MYRF: variants seen among roughly 807,000 people sequenced by gnomAD.
MYRF encodes myelin regulatory factor.
Under a neutral mutation model 126.3 loss-of-function variants are expected in MYRF, and 16 were observed. That is an observed-to-expected ratio of 0.13 (90% confidence interval 0.09 to 0.19). The LOEUF is 0.19. Among genes scored for constraint, MYRF ranks in the 10% least tolerant of loss-of-function variants. The pLI is 1.00. For missense variants in MYRF, 1,104 were observed against 1,547.0 expected (o/e 0.71, Z 4.80); for synonymous variants, 608 against 635.3 (o/e 0.96, Z 0.65).
chr11:61,777,528 T>C lies in MYRF; in HGVS notation c.1791+64T>C. ...CTGGAGCGGGCCGCGGGGGCGGGGC[T>C]CCTGGGGAGGGGGCGTGACTACGCG... On this transcript the variant is annotated intron_variant, in intron 12 of 26. Coordinates refer to ENST00000278836, the MANE Select transcript of MYRF (RefSeq NM_001127392.3). The surrounding 1 kb of genome is among the most constrained non-coding windows in gnomAD (Gnocchi z 8.8). The C allele has an allele frequency of 4.1e-6, 6 of 1,455,464 alleles. No homozygotes were observed. Among genetic ancestry groups the C allele is most frequent in the Non-Finnish European group, 5.6e-6 (6 of 1,070,590 alleles). The allele number at this position is 1,455,464 out of a possible 1,614,324, so 90.2% of individuals were successfully genotyped here. A position where few individuals can be genotyped will look rare whatever the true frequency, so the allele number is the denominator to read the frequency against.
At chr11:61,755,303 C>T (rs575128498) in intron 1 of MYRF, 74 of 1,451,592 alleles carry the variant, frequency 5.1e-5, no homozygotes, top group African/African-American at 9.9e-5. Flanking sequence ...CGGGACAGAG[C>T]GGCCCCCTCG....
chr11:61,755,357 TAG>T, intron 1 of MYRF: 1 of 1,601,392 alleles, frequency 6.2e-7, no homozygotes. Context: ...GCTAATCCCC[TAG>T]AGAGAGGCAA....
In MYRF at chr11:61,787,156, C is replaced by G. The variant is rs901033280; in HGVS notation, c.*1013C>G. 3 of 152,656 alleles carry G rather than the reference C, an allele frequency of 2.0e-5. No homozygotes were observed. The highest frequency in any genetic ancestry group is 7.2e-5 in the African/African-American group (3 of 41,410). The allele number at this position is 152,656 out of a possible 1,614,324, so 9.5% of individuals were successfully genotyped here. A position where few individuals can be genotyped will look rare whatever the true frequency, so the allele number is the denominator to read the frequency against. Reference sequence around the variant, plus strand: ...AAGTAATTACTAAATGCACTTAAACCAGGGCAGGAAGGAATGGAAGGATGG... The same window carrying G: ...AAGTAATTACTAAATGCACTTAAACGAGGGCAGGAAGGAATGGAAGGATGG... On this transcript the variant is annotated 3_prime_UTR_variant, in exon 27 of 27. Coordinates refer to ENST00000278836, the MANE Select transcript of MYRF (RefSeq NM_001127392.3).
intron 1 of MYRF, chr11:61,754,294 A>C (rs1361149100): frequency 1.3e-5 from 2 of 152,406 alleles, no homozygotes; most frequent in Admixed American, 1.3e-4. Flanking sequence ...AGAACCCAAG[A>C]GTTCAGGCTT....
rs1488865573 is a variant in MYRF, at chr11:61,786,098, G to A, written c.3411G>A (p.Gln1137=). 3.7e-6 allele frequency: 6 copies of A among 1,614,188 alleles called. No individual in the cohort carries two copies. The highest frequency in any genetic ancestry group is 5.1e-6 in the Non-Finnish European group (6 of 1,180,030). Residue 1137 remains glutamine, a synonymous_variant, in exon 27 of 27, where the codon CAG becomes CAA. Transcript: ENST00000278836. The surrounding 1 kb of genome is among the most constrained non-coding windows in gnomAD (Gnocchi z 4.5). ...ACTGCAGTTCAGAGGCTCTCGCCCAGCCAGCCACAGACTACCACTTCCACT... is the reference window on the plus strand; with the variant it reads ...ACTGCAGTTCAGAGGCTCTCGCCCAACCAGCCACAGACTACCACTTCCACT... ...QANCSSEALA[Q]PATDYHFHFY...
intron 4 of MYRF, among the ~76,000 whole-genome samples, 181 bp downstream of exon 4, chr11:61,769,502 G>A (rs1406552260): frequency 6.6e-6 from 1 of 152,170 alleles, no homozygotes; most frequent in African/African-American, 2.4e-5. Context: ...GGGGAGCCTG[G>A]CCCTGCCTCT....
chr11:61,785,789 C>G lies in MYRF; in HGVS notation c.3301-11C>G. 1 of 1,613,464 alleles carries G rather than the reference C, an allele frequency of 6.2e-7. No individual in the cohort carries two copies. The stretch of plus-strand genomic sequence containing the variant: ...GCAGTCTGTCCTGACCCCTCTCTCC[C>G]TTCTCTCCAGGGCACCTCTCACCGG... On this transcript the variant is annotated splice_polypyrimidine_tract_variant and intron_variant, in intron 25 of 26. Coordinates refer to ENST00000278836, the MANE Select transcript of MYRF (RefSeq NM_001127392.3).
At chr11:61,785,683 T>C (rs1282840721) in intron 25 of MYRF, 117 bp from the exon 26 acceptor site, 34 of 784,474 alleles carry the variant, frequency 4.3e-5, no homozygotes, top group Non-Finnish European at 6.1e-5. Context: ...CAAAGTTCTC[T>C]GCTTTTTTCC....
Position 61,757,601 on chromosome 11 carries a change from C to T in MYRF, c.46+4811C>T, listed in dbSNP as rs527260618. The T allele has an allele frequency of 1.5e-5, 7 of 455,644 alleles. No homozygotes were observed. Among genetic ancestry groups the T allele is most frequent in the South Asian group, 9.3e-5 (6 of 64,476 alleles). 28.2% of individuals were successfully genotyped at this position (455,644 alleles called of 1,614,324 possible). ...CTGAACCATGACAGCTCTGGCCCAGCGTGGCCTGGTCCTGGTCCCTGGCAC... is the reference window on the plus strand; with the variant it reads ...CTGAACCATGACAGCTCTGGCCCAGTGTGGCCTGGTCCTGGTCCCTGGCAC... On this transcript the variant is annotated intron_variant, in intron 1 of 26. Transcript: ENST00000278836. The surrounding 1 kb of genome is among the most constrained non-coding windows in gnomAD (Gnocchi z 4.7).
At position 61,765,622 on chromosome 11, in the gene MYRF, C is replaced by A; in HGVS notation, c.47-3C>A. On this transcript the variant is annotated splice_region_variant and splice_polypyrimidine_tract_variant and intron_variant, in intron 1 of 26. Coordinates refer to ENST00000278836, the MANE Select transcript of MYRF (RefSeq NM_001127392.3). ...TCCCTAGCCCATCTCTCCTGCCCTG[C>A]AGGCCACGACATCAACGGTGCCCTG... is the stretch of plus-strand genomic sequence containing the variant. 6.2e-7 allele frequency: 1 copy of A among 1,611,512 alleles called. No homozygotes were observed. Among genetic ancestry groups the A allele is most frequent in the Non-Finnish European group, 8.5e-7 (1 of 1,179,222 alleles).
intron 3 of MYRF, chr11:61,767,640 A>G (rs1169837760): frequency 2.9e-6 from 1 of 344,626 alleles, no homozygotes; most frequent in African/African-American, 2.2e-5. Flanking sequence ...AGTCTGCAAC[A>G]TGATGAAACC....
chr11:61,781,306 C>T lies in MYRF; in HGVS notation c.2741C>T (p.Pro914Leu), dbSNP rs376976989. The change falls in exon 21 of 27, where the codon CCC (proline) becomes CTC (leucine). Residue 914 changes from proline to leucine, a missense_variant. Physicochemically the swap from Pro to Leu is moderately conservative, Grantham distance 98 (BLOSUM62 -3). Transcript: ENST00000278836. ...CCTGGCCATGTTCTCAGCCCAAGTCCCAGCCCCAGCACCAACCGCTCAGGT... is the reference window on the plus strand; with the variant it reads ...CCTGGCCATGTTCTCAGCCCAAGTCTCAGCCCCAGCACCAACCGCTCAGGT... ...FNPGHVLSPS[P>L]SPSTNRSGPS... The T allele has an allele frequency of 6.2e-7, 1 of 1,613,980 alleles. No individual in the cohort carries two copies. The highest frequency in any genetic ancestry group is 1.3e-5 in the African/African-American group (1 of 74,940).
chr11:61,759,586 C>T (rs1001207069), intron 1 of MYRF, among the ~76,000 whole-genome samples: 3 of 152,094 alleles, frequency 2.0e-5, no homozygotes, highest in African/African-American at 7.2e-5. Flanking sequence ...GGGAGAATCA[C>T]TTGAACTCAG....
Position 61,777,665 on chromosome 11 carries a change from T to C in MYRF, c.1792-69T>C. 2 of 1,472,194 alleles carry C rather than the reference T, an allele frequency of 1.4e-6. No homozygotes were observed. The highest frequency in any genetic ancestry group is 2.5e-5 in the South Asian group (2 of 81,266). 91.2% of individuals were successfully genotyped at this position (1,472,194 alleles called of 1,614,324 possible). On this transcript the variant is annotated intron_variant, in intron 12 of 26. Coordinates refer to ENST00000278836, the MANE Select transcript of MYRF (RefSeq NM_001127392.3). The surrounding 1 kb of genome is among the most constrained non-coding windows in gnomAD (Gnocchi z 8.8). ...CACTGCAGCCTCCAGGCTGCCGCCC[T>C]CCTGGGCTCCGGGGCCTGCTCCGGG...
chr11:61,763,733 C>T (rs984195361), intron 1 of MYRF, among the ~76,000 whole-genome samples: 15 of 152,054 alleles, frequency 9.9e-5, no homozygotes, highest in African/African-American at 3.6e-4. Context: ...TGTGTGGTGG[C>T]GGGCGCCTGT....
chr11:61,778,438 C>A lies in MYRF; in HGVS notation c.1962C>A (p.Asp654Glu). The A allele has an allele frequency of 6.2e-7, 1 of 1,614,094 alleles. No homozygotes were observed. Among genetic ancestry groups the A allele is most frequent in the Non-Finnish European group, 8.5e-7 (1 of 1,179,990 alleles). The change falls in exon 14 of 27, where the codon GAC becomes GAA. Residue 654 changes from aspartate (D) to glutamate (E), a missense_variant. Asp to Glu is a conservative substitution (Grantham distance 45). This residue lies in a region of MYRF where 123 missense variants were observed against 209.1 expected (regional missense o/e 0.59). Coordinates refer to ENST00000278836, the MANE Select transcript of MYRF (RefSeq NM_001127392.3). This position sits in a 1 kb window ranked among gnomAD's most constrained non-coding sequence, Gnocchi z 4.6. ...CTGAGGCTGTGAAAGACACCGGAGACATGGTCTTTGCCAATGGGAAAACCA... is the reference window on the plus strand; with the variant it reads ...CTGAGGCTGTGAAAGACACCGGAGAAATGGTCTTTGCCAATGGGAAAACCA... ...ILPEAVKDTG[D>E]MVFANGKTIE...
chr11:61,777,911 C>T lies in MYRF; in HGVS notation c.1903+66C>T. 8.0e-7 allele frequency: 1 copy of T among 1,249,792 alleles called. No homozygotes were observed. Among genetic ancestry groups the T allele is most frequent in the South Asian group, 1.3e-5 (1 of 77,966 alleles). The allele number at this position is 1,249,792 out of a possible 1,614,324, so 77.4% of individuals were successfully genotyped here. On this transcript the variant is annotated intron_variant, in intron 13 of 26. Transcript: ENST00000278836. This position sits in a 1 kb window ranked among gnomAD's most constrained non-coding sequence, Gnocchi z 8.8. ...GAAACCTCGGGCCTCAGTGACCTTG[C>T]CCCCTGTCACCTGGAAATCCTACTC...
At chr11:61,779,800 C>G (rs1301104220) in intron 16 of MYRF, 42 bp from the exon 17 acceptor site, 2 of 1,575,070 alleles carry the variant, frequency 1.3e-6, no homozygotes, top group South Asian at 2.2e-5. Flanking sequence ...ACAGCCTCAG[C>G]CTGGCCCTCT....
At chr11:61,769,393 T>A in intron 4 of MYRF, 72 bp downstream of exon 4, 1 of 1,234,990 alleles carries the variant, frequency 8.1e-7, no homozygotes, top group Non-Finnish European at 1.2e-6. Flanking sequence ...ATCAGGGAGG[T>A]AGGGGAGGAG....
Sources: allele counts gnomAD v4.1 joint callset (sites outside exome capture counted in the v4.1 genomes callset), GRCh38; gene constraint gnomAD v4.1.1; regional missense constraint gnomAD v4.1.1; non-coding constraint Gnocchi (gnomAD v3.1); transcripts MANE v1.5; gene names NCBI Gene and HGNC (gene_info 2026-07-23, HGNC 2026-07-21).